The following AFAP1L2 variants were observed in gnomAD, a reference collection of about 807,000 sequenced individuals.
The protein encoded by AFAP1L2 is actin filament associated protein 1 like 2, also known as actin filament-associated protein 1-like 2.
Under a neutral mutation model 99.3 loss-of-function variants are expected in AFAP1L2, and 46 were observed. That is an observed-to-expected ratio of 0.46 (90% CI 0.37 to 0.59). The LOEUF (loss-of-function observed/expected upper bound fraction) is 0.59. Ranked by LOEUF, AFAP1L2 falls within the 20% of genes least tolerant of loss-of-function variation. AFAP1L2 has a pLI of 0.00. For synonymous variants in AFAP1L2, 397 were observed against 419.1 expected (o/e 0.95, Z 0.64); for missense variants, 959 against 1,034.9 (o/e 0.93, Z 1.01).
Position 114,377,180 on chromosome 10 carries a change from C to T in AFAP1L2, c.16+27260G>A, listed in dbSNP as rs1012209669. Among the ~76,000 whole-genome samples, 3 of 152,208 alleles carry T rather than the reference C, an allele frequency of 2.0e-5. No individual in the cohort carries two copies. Among genetic ancestry groups the T allele is most frequent in the African/African-American group, 7.2e-5 (3 of 41,452 alleles). On this transcript the variant is annotated intron_variant, in intron 1 of 18. Transcript: ENST00000304129. The surrounding 1 kb of genome is among the most constrained non-coding windows in gnomAD (Gnocchi z 4.0). ...AAGTCAAAGAACACTTCTGAACAAC[C>T]AAATATGAGATACTATGAACTCCAT... is the stretch of plus-strand genomic sequence containing the variant.
At chr10:114,379,335 AAAG>A (rs1324856660) in intron 1 of AFAP1L2, among the ~76,000 whole-genome samples, 2 of 152,140 alleles carry the variant, frequency 1.3e-5, no homozygotes, top group African/African-American at 4.8e-5. Context: ...TGCAGCAGAT[AAAG>A]AAGTGACTAC....
intron 1 of AFAP1L2, among the ~76,000 whole-genome samples, chr10:114,355,256 C>CT (rs35562783): frequency 0.026 from 3,521 of 133,072 alleles, 169 homozygotes; most frequent in African/African-American, 0.091. Flanking sequence ...CTCGCTCTCT[C>CT]TTTTTTTTTT....
chr10:114,331,260 A>G (rs1395915545), intron 4 of AFAP1L2, among the ~76,000 whole-genome samples: 2 of 152,338 alleles, frequency 1.3e-5, no homozygotes, highest in East Asian at 3.9e-4. Context: ...AGAACAATGT[A>G]GGGGAATTAA....
intron 1 of AFAP1L2, among the ~76,000 whole-genome samples, chr10:114,365,834 TCC>T (rs1307767733): frequency 1.3e-5 from 2 of 152,060 alleles, no homozygotes; most frequent in Admixed American, 1.3e-4. Context: ...CAAGTGATCT[TCC>T]TGCCTCAGTC....
chr10:114,362,733 G>C (rs1349112495), intron 1 of AFAP1L2, among the ~76,000 whole-genome samples: 1 of 152,140 alleles, frequency 6.6e-6, no homozygotes, highest in Non-Finnish European at 1.5e-5. Context: ...GAGTAGAATA[G>C]GGGTCCGTAG....
At chr10:114,352,866 A>G (rs1394955109) in intron 1 of AFAP1L2, among the ~76,000 whole-genome samples, 2 of 152,212 alleles carry the variant, frequency 1.3e-5, no homozygotes, top group African/African-American at 4.8e-5. Context: ...GCACGGCACT[A>G]TCAACATTGC....
the AFAP1L2 span, chr10:114,289,094 GCAGC>G: frequency 1.2e-6 from 2 of 1,614,032 alleles, no homozygotes; most frequent in African/African-American, 2.7e-5. Context: ...GTGGTGTATG[GCAGC>G]CAGGTGCAGA....
intron 5 of AFAP1L2, 26 bp downstream of exon 5, chr10:114,323,145 C>T (rs2045645968): frequency 6.4e-7 from 1 of 1,564,268 alleles, no homozygotes; most frequent in African/African-American, 1.4e-5. Context: ...AAGTCACCCT[C>T]CCAAGCCCCA....
intron 1 of AFAP1L2, among the ~76,000 whole-genome samples, chr10:114,379,081 T>C (rs1369183906): frequency 6.6e-6 from 1 of 152,000 alleles, no homozygotes; most frequent in Non-Finnish European, 1.5e-5. Flanking sequence ...GGTATGGTGC[T>C]GGGTGCCCAT....
At chr10:114,299,475 A>G in intron 15 of AFAP1L2, 60 bp from the exon 16 acceptor site, 1 of 1,598,532 alleles carries the variant, frequency 6.3e-7, no homozygotes, top group Non-Finnish European at 8.5e-7. Context: ...GGCTGTCCCC[A>G]GTCTACTCCC....
chr10:114,374,676 A>G (rs1315234989), intron 1 of AFAP1L2, among the ~76,000 whole-genome samples: 3 of 152,146 alleles, frequency 2.0e-5, no homozygotes, highest in East Asian at 1.9e-4. Flanking sequence ...AGAAGAAGAA[A>G]AAAAAAATGC....
At chr10:114,308,540 TG>T (rs768947909) in intron 8 of AFAP1L2, 23 bp from the exon 9 acceptor site, 1 of 1,601,538 alleles carries the variant, frequency 6.2e-7, no homozygotes, top group African/African-American at 1.3e-5. Context: ...GCGACATGAA[TG>T]GGGATCACTG....
chr10:114,351,677 G>T (rs1165156198), intron 1 of AFAP1L2, among the ~76,000 whole-genome samples: 1 of 152,050 alleles, frequency 6.6e-6, no homozygotes, highest in African/African-American at 2.4e-5. Flanking sequence ...GGCCTCCTGG[G>T]CCACCCCCCT....
chr10:114,404,306 C>A, intron 1 of AFAP1L2, 134 bp downstream of exon 1: 1 of 1,082,344 alleles, frequency 9.2e-7, no homozygotes, highest in South Asian at 1.3e-5. Flanking sequence ...CCCTCTTAGG[C>A]CCAGGTCCGG....
chr10:114,333,299 C>A lies in AFAP1L2; in HGVS notation c.146-4G>T, dbSNP rs1225368828. On this transcript the variant is annotated splice_polypyrimidine_tract_variant and splice_region_variant and intron_variant, in intron 2 of 18. Transcript: ENST00000304129. ...TAAATGTACTCCTCATCAGAGCCTG[C>A]AGAAGGAAGGAGACACAGGCTTTGT... is the stretch of plus-strand genomic sequence containing the variant. 3.1e-6 allele frequency: 5 copies of A among 1,613,086 alleles called. No homozygotes were observed. The highest frequency in any genetic ancestry group is 4.2e-6 in the Non-Finnish European group (5 of 1,179,134).
the AFAP1L2 span, chr10:114,286,647 A>G: frequency 8.4e-6 from 6 of 710,336 alleles, no homozygotes; most frequent in Admixed American, 3.2e-5. Flanking sequence ...TTCAGGCACC[A>G]GTCACATAAA....
chr10:114,287,145 G>C, the AFAP1L2 span, among the ~76,000 whole-genome samples: 1 of 152,346 alleles, frequency 6.6e-6, no homozygotes, highest in East Asian at 1.9e-4. Flanking sequence ...CCCACGCAGA[G>C]GCCTGGCCCA....
chr10:114,302,780 C>T (rs569546712), intron 11 of AFAP1L2, among the ~76,000 whole-genome samples: 1 of 152,252 alleles, frequency 6.6e-6, no homozygotes, highest in Admixed American at 6.5e-5. Flanking sequence ...AAACTTATCA[C>T]CAGGTGGTCA....
At chr10:114,304,641 C>G (rs370291016) in intron 11 of AFAP1L2, 78 bp downstream of exon 11, 1 of 1,313,622 alleles carries the variant, frequency 7.6e-7, no homozygotes, top group East Asian at 2.5e-5. Context: ...AGTAGCATTA[C>G]AGTCCTGGAG....
Sources: allele counts gnomAD v4.1 joint callset (sites outside exome capture counted in the v4.1 genomes callset), GRCh38; gene constraint gnomAD v4.1.1; non-coding constraint Gnocchi (gnomAD v3.1); transcripts MANE v1.5; gene names NCBI Gene and HGNC (gene_info 2026-07-23, HGNC 2026-07-21).